HIBADH: variants seen among roughly 807,000 people sequenced by gnomAD.
HIBADH encodes the protein 3-hydroxyisobutyrate dehydrogenase, also known as 3-hydroxyisobutyrate dehydrogenase, mitochondrial.
A neutral mutation model predicts 36.1 loss-of-function variants in HIBADH; 25 were observed. The observed-to-expected ratio is 0.69, with a 90% CI of 0.50 to 0.97. HIBADH has a LOEUF of 0.97. Ranked by LOEUF, HIBADH falls within the 50% of genes least tolerant of loss-of-function variation. The probability of loss-of-function intolerance (pLI) is 0.00; values close to 1 mark genes in which losing one functional copy is unlikely to be tolerated. For missense variants in HIBADH, 421 were observed against 418.0 expected (o/e 1.01, Z -0.06); for synonymous variants, 160 against 149.5 (o/e 1.07, Z -0.51).
At chr7:27,526,980 G>A (rs1783911560) in intron 7 of HIBADH, among the ~76,000 whole-genome samples, 1 of 152,130 alleles carries the variant, frequency 6.6e-6, no homozygotes, top group African/African-American at 2.4e-5. Context: ...AGACAGTGAA[G>A]CACAGACCTG....
intron 5 of HIBADH, among the ~76,000 whole-genome samples, chr7:27,538,786 G>A (rs13227873): frequency 0.47 from 71,005 of 151,870 alleles, 17,807 homozygotes; most frequent in East Asian, 0.94. Flanking sequence ...GTGGTGAATT[G>A]TAAGGTAGAG....
chr7:27,652,799 C>T (rs942075352), intron 1 of HIBADH, among the ~76,000 whole-genome samples: 1 of 152,016 alleles, frequency 6.6e-6, no homozygotes, highest in East Asian at 1.9e-4. Flanking sequence ...TAATTGCCTC[C>T]CAAAGGGCCT....
intron 4 of HIBADH, among the ~76,000 whole-genome samples, chr7:27,548,389 G>A (rs1397306804): frequency 6.6e-6 from 1 of 151,884 alleles, no homozygotes; most frequent in Non-Finnish European, 1.5e-5. Context: ...TGTGATGGTT[G>A]GGGGGAGGGA....
At chr7:27,653,343 C>T (rs780183370) in intron 1 of HIBADH, among the ~76,000 whole-genome samples, 6 of 152,126 alleles carry the variant, frequency 3.9e-5, no homozygotes, top group Non-Finnish European at 5.9e-5. Context: ...ATAGTGTTAT[C>T]AATACCTAAG....
At chr7:27,578,702 AACC>A (rs766597223) in intron 4 of HIBADH, among the ~76,000 whole-genome samples, 4 of 152,230 alleles carry the variant, frequency 2.6e-5, no homozygotes, top group Non-Finnish European at 4.4e-5. Flanking sequence ...CTAAAAATAA[AACC>A]ACATTTTTTT....
At chr7:27,620,085 C>T (rs2128293142) in intron 4 of HIBADH, among the ~76,000 whole-genome samples, 1 of 152,250 alleles carries the variant, frequency 6.6e-6, no homozygotes, top group African/African-American at 2.4e-5. Context: ...CTTTAGGAAG[C>T]CAAGGTGGAG....
At chr7:27,574,322 G>A (rs1784673334) in intron 4 of HIBADH, among the ~76,000 whole-genome samples, 1 of 151,752 alleles carries the variant, frequency 6.6e-6, no homozygotes, top group East Asian at 1.9e-4. Context: ...TCAAAGGATA[G>A]GATAGGAGGG....
chr7:27,636,346 G>C (rs1785841129), intron 2 of HIBADH, among the ~76,000 whole-genome samples: 1 of 152,206 alleles, frequency 6.6e-6, no homozygotes, highest in Admixed American at 6.5e-5. Flanking sequence ...ATCTTTAACA[G>C]TACTCTTTAA....
At chr7:27,543,804 T>G (rs1340678221) in intron 4 of HIBADH, among the ~76,000 whole-genome samples, 1 of 152,234 alleles carries the variant, frequency 6.6e-6, no homozygotes, top group Admixed American at 6.5e-5. Flanking sequence ...AACACTGACT[T>G]CACTACTCCT....
rs1448341085 is a variant in HIBADH at position 27,543,032 on chromosome 7, C to T, written c.553G>A (p.Ala185Thr). The T allele has an allele frequency of 6.2e-7, 1 of 1,613,856 alleles. No homozygotes were observed. The highest frequency in any genetic ancestry group is 8.5e-7 in the Non-Finnish European group (1 of 1,179,884). The change falls in exon 5 of 8, where the codon GCC (alanine) becomes ACC (threonine). Residue 185 changes from alanine to threonine, a missense_variant. Transcript: ENST00000265395. ...VGGVEDEFAAAQELLGCMGSN... is the reference protein window; with the variant it reads ...VGGVEDEFAATQELLGCMGSN... ...CCCATGCACCCCAGCAACTCTTGGG[C>T]AGCAGCAAATTCATCTTCAACTCCT...
chr7:27,661,514 G>C (rs1786417021), intron 1 of HIBADH, among the ~76,000 whole-genome samples: 2 of 144,076 alleles, frequency 1.4e-5, no homozygotes, highest in Non-Finnish European at 3.0e-5. Flanking sequence ...CCTGAGCCCA[G>C]GAGGTCGAGA....
At chr7:27,633,238 C>T (rs2128294759) in intron 2 of HIBADH, among the ~76,000 whole-genome samples, 1 of 152,288 alleles carries the variant, frequency 6.6e-6, no homozygotes, top group East Asian at 1.9e-4. Context: ...CTGTTACTCA[C>T]ATCCCCCATC....
chr7:27,579,177 G>C (rs2128189095), intron 4 of HIBADH, among the ~76,000 whole-genome samples: 1 of 152,258 alleles, frequency 6.6e-6, no homozygotes, highest in African/African-American at 2.4e-5. Flanking sequence ...TTATATATTA[G>C]ATGGCACTGA....
At chr7:27,527,757 T>TTTTTC (rs1474137502) in intron 7 of HIBADH, among the ~76,000 whole-genome samples, 5 of 148,760 alleles carry the variant, frequency 3.4e-5, no homozygotes, top group African/African-American at 1.2e-4. Flanking sequence ...ATCAGTAACT[T>TTTTTC]TTTTTTTTTT....
intron 4 of HIBADH, among the ~76,000 whole-genome samples, chr7:27,551,330 C>A (rs1040378645): frequency 6.6e-6 from 1 of 152,146 alleles, no homozygotes; most frequent in Admixed American, 6.5e-5. Flanking sequence ...AGTTATAACA[C>A]CTCTCAATCT....
chr7:27,530,026 C>T (rs749155853), intron 7 of HIBADH, among the ~76,000 whole-genome samples: 20 of 152,098 alleles, frequency 1.3e-4, no homozygotes, highest in East Asian at 1.9e-4. Context: ...AATTAAGATA[C>T]GTATATTGTT....
At position 27,529,579 on chromosome 7, in the gene HIBADH, A is replaced by G. The variant is rs147354960; in HGVS notation, c.852+1613T>C. On this transcript the variant is annotated intron_variant, in intron 7 of 7. Transcript: ENST00000265395. ...CTGCAGATGTGACTGAATTACTACA[A>G]TCTTGTGCTAAACTTGAAGGGATGA... Among the ~76,000 whole-genome samples the G allele has an allele frequency of 3.2e-3, 487 of 152,344 alleles. 6 individuals carry two copies. Among genetic ancestry groups the G allele is most frequent in the African/African-American group, 0.011 (458 of 41,582 alleles).
rs527581463 is a variant in HIBADH at position 27,640,209 on chromosome 7, T to C, written c.253-7764A>G. ...TAATGTAAACTCTTGTTAAACAACT[T>C]AGGAACTGCCTCTTCTTTTTTCCTT... On this transcript the variant is annotated intron_variant, in intron 2 of 7. Coordinates refer to ENST00000265395, the MANE Select transcript of HIBADH (RefSeq NM_152740.4). 8.5e-5 allele frequency among the ~76,000 whole-genome samples: 13 copies of C among 152,324 alleles called. No individual in the cohort carries two copies. In the South Asian group the frequency reaches 2.7e-3, roughly 32 times the overall value.
chr7:27,612,321 CTTTT>C (rs957662209), intron 4 of HIBADH, among the ~76,000 whole-genome samples: 2 of 145,650 alleles, frequency 1.4e-5, no homozygotes, highest in Non-Finnish European at 3.0e-5. Flanking sequence ...TTTTCTTTTC[CTTTT>C]TTTTTTCTTT....
Sources: gnomAD v4.1 joint callset for allele counts (sites outside exome capture counted in the v4.1 genomes callset) on GRCh38, gnomAD v4.1.1 for gene constraint, MANE v1.5 for transcripts, NCBI Gene and HGNC (gene_info 2026-07-23, HGNC 2026-07-21) for gene names.